The following FKTN variants were observed in gnomAD, a reference collection of about 807,000 sequenced individuals.
The protein encoded by FKTN is fukutin, also known as ribitol-5-phosphate transferase FKTN.
FKTN carries 47 observed loss-of-function variants against 58.6 expected under a neutral mutation model. The ratio of observed to expected loss-of-function variants is 0.80; its 90% CI spans 0.63 to 1.02. The LOEUF (loss-of-function observed/expected upper bound fraction) is 1.02. Ranked by LOEUF, FKTN falls within the 50% of genes least tolerant of loss-of-function variation. FKTN has a pLI of 0.00. For missense variants in FKTN, 516 were observed against 537.3 expected (o/e 0.96, Z 0.39); for synonymous variants, 178 against 191.9 (o/e 0.93, Z 0.60).
intron 1 of FKTN, among the ~76,000 whole-genome samples, chr9:105,560,197 G>A (rs1003001448): frequency 6.6e-6 from 1 of 152,130 alleles, no homozygotes; most frequent in African/African-American, 2.4e-5. Context: ...ATATAACGAC[G>A]AGCAAGGTAG....
At chr9:105,607,017 A>G (rs1361040763) in intron 6 of FKTN, among the ~76,000 whole-genome samples, 1 of 151,598 alleles carries the variant, frequency 6.6e-6, no homozygotes, top group South Asian at 2.1e-4. Flanking sequence ...TTCTTTAGGG[A>G]GACATTATCT....
intron 3 of FKTN, among the ~76,000 whole-genome samples, chr9:105,584,003 G>T (rs1056255032): frequency 6.6e-6 from 1 of 152,026 alleles, no homozygotes; most frequent in African/African-American, 2.4e-5. Context: ...CTTTTCCCTT[G>T]GTGGCAGTGT....
chr9:105,564,586 G>T (rs1839006945), intron 1 of FKTN, among the ~76,000 whole-genome samples: 1 of 152,154 alleles, frequency 6.6e-6, no homozygotes, highest in African/African-American at 2.4e-5. Context: ...AGCCAGAAGA[G>T]AAGTTTAGAG....
intron 3 of FKTN, among the ~76,000 whole-genome samples, chr9:105,589,811 A>G (rs922763372): frequency 2.6e-5 from 4 of 152,204 alleles, no homozygotes; most frequent in African/African-American, 7.2e-5. Context: ...AGTGAAGCAT[A>G]CTAGGTAGAA....
At chr9:105,562,525 T>C (rs1402964118) in intron 1 of FKTN, among the ~76,000 whole-genome samples, 2 of 152,350 alleles carry the variant, frequency 1.3e-5, no homozygotes, top group Admixed American at 1.3e-4. Flanking sequence ...ATATAAATCC[T>C]GTGTCCTCTG....
At chr9:105,634,929 C>A in intron 10 of FKTN, 122 bp from the exon 11 acceptor site, 1 of 825,354 alleles carries the variant, frequency 1.2e-6, no homozygotes, top group Non-Finnish European at 2.1e-6. Flanking sequence ...TAAATATCCA[C>A]TCTCTTCCCA....
chr9:105,634,753 CTGACTT>C (rs1564356141), intron 10 of FKTN, among the ~76,000 whole-genome samples: 8 of 152,182 alleles, frequency 5.3e-5, no homozygotes. Context: ...AAGCCCAAGG[CTGACTT>C]TGATTTGCCT....
rs1270655729 is a variant in FKTN at position 105,559,843 on chromosome 9, G to T, written c.-181+1678G>T. On this transcript the variant is annotated intron_variant, in intron 1 of 10. Transcript: ENST00000357998. ...ATCTTGAGAATGGATTTGGTTTCAG[G>T]GAGAGATTGTAGAGAGAGTAACTAT... is the stretch of plus-strand genomic sequence containing the variant. Among the ~76,000 whole-genome samples, 10 of 152,224 alleles carry T rather than the reference G, an allele frequency of 6.6e-5. No individual in the cohort carries two copies. The South Asian group carries it at 2.1e-3, about 32-fold the overall frequency.
At chr9:105,608,027 A>T (rs1829225517) in intron 7 of FKTN, 76 bp downstream of exon 7, 2 of 1,201,868 alleles carry the variant, frequency 1.7e-6, no homozygotes, top group Non-Finnish European at 2.5e-6. Context: ...GGGTGGTAAG[A>T]TGAAGGGGCT....
Position 105,638,078 on chromosome 9 carries a change from T to C in FKTN, c.*2814T>C. The C allele has an allele frequency of 1.0e-6, 1 of 971,518 alleles. No individual in the cohort carries two copies. The highest frequency in any genetic ancestry group is 1.2e-6 in the Non-Finnish European group (1 of 817,298). 60.2% of individuals were successfully genotyped at this position (971,518 alleles called of 1,614,324 possible). Reference sequence around the variant, plus strand: ...TAGAAAAACCATAATGTAATATTCTTTTTAAACCCTCTTATTTTATAACTA... The same window carrying C: ...TAGAAAAACCATAATGTAATATTCTCTTTAAACCCTCTTATTTTATAACTA... On this transcript the variant is annotated 3_prime_UTR_variant, in exon 11 of 11. Transcript: ENST00000357998.
At chr9:105,584,018 T>C (rs1843478658) in intron 3 of FKTN, among the ~76,000 whole-genome samples, 1 of 152,186 alleles carries the variant, frequency 6.6e-6, no homozygotes, top group South Asian at 2.1e-4. Flanking sequence ...CAGTGTAACA[T>C]AGTTGTTGAG....
intron 3 of FKTN, among the ~76,000 whole-genome samples, chr9:105,575,792 T>G (rs140298586): frequency 2.6e-4 from 40 of 152,340 alleles, no homozygotes; most frequent in African/African-American, 9.4e-4. Context: ...TATCCTCATG[T>G]CTTAATTAGA....
intron 7 of FKTN, among the ~76,000 whole-genome samples, chr9:105,610,948 A>G (rs1050418491): frequency 3.3e-5 from 5 of 152,124 alleles, no homozygotes; most frequent in Admixed American, 3.3e-4. Flanking sequence ...ATTTTGTTTT[A>G]GCAAAAACCA....
intron 3 of FKTN, among the ~76,000 whole-genome samples, chr9:105,575,830 G>A (rs961557208): frequency 1.3e-5 from 2 of 151,980 alleles, no homozygotes; most frequent in Admixed American, 6.6e-5. Context: ...ATCACTTTGC[G>A]CCCCTCCTCA....
intron 1 of FKTN, among the ~76,000 whole-genome samples, chr9:105,566,848 A>T (rs1485199640): frequency 3.3e-5 from 5 of 152,010 alleles, no homozygotes; most frequent in Admixed American, 3.3e-4. Flanking sequence ...ACAAAAAAAG[A>T]GAATTTTAGA....
At chr9:105,579,545 T>C (rs1041130401) in intron 3 of FKTN, among the ~76,000 whole-genome samples, 2 of 151,814 alleles carry the variant, frequency 1.3e-5, no homozygotes, top group African/African-American at 4.8e-5. Context: ...TTGTTATAAT[T>C]TGTGTTCTTT....
intron 10 of FKTN, among the ~76,000 whole-genome samples, chr9:105,634,409 C>T (rs1315800527): frequency 3.3e-5 from 5 of 152,210 alleles, no homozygotes; most frequent in African/African-American, 4.8e-5. Flanking sequence ...GCTGGGATTA[C>T]AGGCGGGAGC....
At chr9:105,618,169 G>A (rs1831177097) in intron 9 of FKTN, 77 bp downstream of exon 9, 2 of 1,146,172 alleles carry the variant, frequency 1.7e-6, no homozygotes, top group Non-Finnish European at 1.3e-6. Context: ...ACTCAGATAT[G>A]GTTAAGAATG....
chr9:105,568,014 C>G (rs1246766165), intron 1 of FKTN, among the ~76,000 whole-genome samples: 3 of 152,268 alleles, frequency 2.0e-5, no homozygotes, highest in Non-Finnish European at 4.4e-5. Flanking sequence ...TGATCTTTGA[C>G]AAAACTGATA....
Sources: gnomAD v4.1 joint callset for allele counts (sites outside exome capture counted in the v4.1 genomes callset) on GRCh38, gnomAD v4.1.1 for gene constraint, MANE v1.5 for transcripts, NCBI Gene and HGNC (gene_info 2026-07-23, HGNC 2026-07-21) for gene names.